MYO3B: variants seen among roughly 807,000 people sequenced by gnomAD.
MYO3B encodes myosin-IIIb.
MYO3B carries 156 observed loss-of-function variants against 174.6 expected under a neutral mutation model. That is an observed-to-expected ratio of 0.89 (90% CI 0.78 to 1.02). The LOEUF (loss-of-function observed/expected upper bound fraction) is 1.02, where lower values mean the gene tolerates loss of function less well. Among genes scored for constraint, MYO3B ranks in the 50% least tolerant of loss-of-function variants. The pLI is 0.00. For synonymous variants in MYO3B, 563 were observed against 569.1 expected, an observed-to-expected ratio of 0.99 and a Z score of 0.15; for missense variants, 1,632 against 1,639.4, an observed-to-expected ratio of 1.00 and a Z score of 0.08.
intron 25 of MYO3B, among the ~76,000 whole-genome samples, chr2:170,490,243 T>G (rs59880236): frequency 1.4e-3 from 211 of 152,252 alleles, no homozygotes; most frequent in African/African-American, 3.5e-3. Flanking sequence ...TTAGCCAGGA[T>G]GGTCTCGATT....
chr2:170,306,676 TCC>T (rs112250195), intron 7 of MYO3B, among the ~76,000 whole-genome samples: 37,390 of 151,936 alleles, frequency 0.25, 5,637 homozygotes, highest in African/African-American at 0.4. Flanking sequence ...AGCGTGTCCA[TCC>T]CCACGTCAGA....
chr2:170,480,872 A>C (rs1339482987), intron 25 of MYO3B, among the ~76,000 whole-genome samples: 2 of 152,238 alleles, frequency 1.3e-5, no homozygotes, highest in Non-Finnish European at 2.9e-5. Flanking sequence ...TTTTCCCACA[A>C]CAGTGTGTTT....
At chr2:170,555,418 T>C (rs1237418125) in intron 32 of MYO3B, among the ~76,000 whole-genome samples, 1 of 152,180 alleles carries the variant, frequency 6.6e-6, no homozygotes, top group Non-Finnish European at 1.5e-5. Context: ...TACCTCCTTA[T>C]TCCTCCCTCC....
rs1252432640 is a variant in MYO3B at position 170,180,718 on chromosome 2, C to T, written c.2+2429C>T. Among the ~76,000 whole-genome samples, 3 of 152,272 alleles carry T rather than the reference C, an allele frequency of 2.0e-5. No individual in the cohort carries two copies. The East Asian group carries it at 5.8e-4, about 29-fold the overall frequency. On this transcript the variant is annotated intron_variant, in intron 1 of 34. Transcript: ENST00000408978. ...AAACTCTCTGATTTTTACCACCTCT[C>T]CCTAAAGTTTAAGAGTTTCCTGTGT...
chr2:170,588,046 A>G (rs186215645), intron 32 of MYO3B, among the ~76,000 whole-genome samples: 5 of 152,272 alleles, frequency 3.3e-5, no homozygotes, highest in African/African-American at 1.2e-4. Flanking sequence ...GAAGAGGATA[A>G]CAGTCTTGGT....
intron 1 of MYO3B, among the ~76,000 whole-genome samples, chr2:170,181,371 A>C (rs553634620): frequency 6.6e-6 from 1 of 152,144 alleles, no homozygotes; most frequent in Non-Finnish European, 1.5e-5. Context: ...ATAGATAATC[A>C]TGTAATCTTC....
In MYO3B at chr2:170,393,874, G is replaced by C. The variant is rs188959423; in HGVS notation, c.1791+1379G>C. Among the ~76,000 whole-genome samples, 98 of 152,250 alleles carry C rather than the reference G, an allele frequency of 6.4e-4. 2 individuals carry two copies. The Middle Eastern group carries it at 0.01, about 16-fold the overall frequency. On this transcript the variant is annotated intron_variant, in intron 16 of 34. Transcript: ENST00000408978. The stretch of plus-strand genomic sequence containing the variant: ...ATTTTCCTTGGCTTCTTAGAGGGGG[G>C]CAATTAAACAGGTTCTAGCATTGTT...
At chr2:170,239,272 G>A (rs766656722) in intron 7 of MYO3B, among the ~76,000 whole-genome samples, 4 of 152,194 alleles carry the variant, frequency 2.6e-5, no homozygotes, top group Non-Finnish European at 5.9e-5. Context: ...CTTAAAAAGA[G>A]ATCCGTTTCA....
intron 25 of MYO3B, among the ~76,000 whole-genome samples, chr2:170,494,063 G>C (rs923971111): frequency 6.6e-6 from 1 of 152,190 alleles, no homozygotes; most frequent in African/African-American, 2.4e-5. Flanking sequence ...ATAAATATCT[G>C]TTTTTAAGGC....
intron 9 of MYO3B, among the ~76,000 whole-genome samples, chr2:170,378,096 T>C (rs1343371393): frequency 6.6e-6 from 1 of 152,130 alleles, no homozygotes; most frequent in African/African-American, 2.4e-5. Flanking sequence ...ATAAACCAAG[T>C]TTATTTTTAT....
intron 15 of MYO3B, among the ~76,000 whole-genome samples, 171 bp downstream of exon 15, chr2:170,391,789 T>G (rs1422558333): frequency 6.6e-6 from 1 of 152,188 alleles, no homozygotes; most frequent in East Asian, 1.9e-4. Flanking sequence ...TCTAGAAAGT[T>G]CAAAAACTCA....
chr2:170,468,448 G>C (rs756574674), intron 25 of MYO3B, among the ~76,000 whole-genome samples: 1 of 151,806 alleles, frequency 6.6e-6, no homozygotes, highest in Non-Finnish European at 1.5e-5. Context: ...TTGGGATCAT[G>C]TTGTTGGGTT....
At chr2:170,596,969 A>G (rs1189873947) in intron 32 of MYO3B, among the ~76,000 whole-genome samples, 1 of 152,152 alleles carries the variant, frequency 6.6e-6, no homozygotes, top group East Asian at 1.9e-4. Flanking sequence ...TTAGGCGGGA[A>G]AATATGGCTG....
chr2:170,297,390 T>C (rs1167773144), intron 7 of MYO3B, among the ~76,000 whole-genome samples: 4 of 152,160 alleles, frequency 2.6e-5, no homozygotes, highest in African/African-American at 9.7e-5. Context: ...AGCTAAATTA[T>C]AGCTCCCCAT....
chr2:170,240,366 G>A (rs1393239180), intron 7 of MYO3B, among the ~76,000 whole-genome samples: 1 of 152,184 alleles, frequency 6.6e-6, no homozygotes, highest in East Asian at 1.9e-4. Context: ...CAGGTACAGT[G>A]TTCTGTGTTT....
intron 25 of MYO3B, among the ~76,000 whole-genome samples, chr2:170,485,585 C>A (rs1685998904): frequency 1.3e-5 from 2 of 152,120 alleles, no homozygotes; most frequent in East Asian, 3.8e-4. Context: ...CCTTTCAACC[C>A]CCTCATTGAC....
chr2:170,319,474 C>A (rs773923299), intron 7 of MYO3B, among the ~76,000 whole-genome samples: 1 of 151,914 alleles, frequency 6.6e-6, no homozygotes, highest in East Asian at 1.9e-4. Flanking sequence ...AATTAACCAA[C>A]CTGAAGAACA....
chr2:170,318,431 G>T (rs1021598493), intron 7 of MYO3B, among the ~76,000 whole-genome samples: 2 of 152,154 alleles, frequency 1.3e-5, no homozygotes, highest in Non-Finnish European at 2.9e-5. Flanking sequence ...GCAGATCCAG[G>T]ACTAGGAATT....
intron 22 of MYO3B, among the ~76,000 whole-genome samples, chr2:170,412,692 C>A (rs752375892): frequency 3.9e-5 from 6 of 152,200 alleles, no homozygotes; most frequent in African/African-American, 1.4e-4. Flanking sequence ...TAAGAGAGCG[C>A]CTTTTGGTAT....
Sources: allele counts gnomAD v4.1 joint callset (sites outside exome capture counted in the v4.1 genomes callset), GRCh38; gene constraint gnomAD v4.1.1; transcripts MANE v1.5; gene names NCBI Gene and HGNC (gene_info 2026-07-23, HGNC 2026-07-21).